Variants in GJB1 observed in about 807,000 individuals in gnomAD.
GJB1 encodes the protein gap junction beta-1 protein.
Under a neutral mutation model 12.0 loss-of-function variants are expected in GJB1, and 1 was observed. The ratio of observed to expected loss-of-function variants is 0.08; its 90% CI spans 0.03 to 0.40. GJB1 has a LOEUF of 0.40. GJB1 is among the 10% of genes least tolerant of loss of function. The pLI is 0.98. For synonymous variants in GJB1, 114 were observed against 102.8 expected (o/e 1.11, Z -0.66); for missense variants, 140 against 250.3 (o/e 0.56, Z 2.97).
chrX:71,223,663 C>T, intron 1 of GJB1, 29 bp from the exon 2 acceptor site: 1 of 1,205,393 alleles, frequency 8.3e-7, no homozygotes, highest in African/African-American at 1.7e-5. Flanking sequence ...AGCTTTCTGA[C>T]AGCTTGCTTC....
chrX:71,220,889 CCTTTTTTTTTTTTT>C (rs1416418633), upstream of GJB1, among the ~76,000 whole-genome samples: 1 of 52,746 alleles, frequency 1.9e-5, no homozygotes, highest in African/African-American at 1.0e-4. Context: ...TTGTTTCTTT[CCTTTTTTTTTTTTT>C]TTTTTTTTTT....
upstream of GJB1, among the ~76,000 whole-genome samples, chrX:71,219,725 G>A (rs1355844262): frequency 7.9e-5 from 6 of 75,740 alleles, no homozygotes; most frequent in Non-Finnish European, 1.4e-4. Flanking sequence ...AGTGAGCTGA[G>A]ATCGCGCCAC....
upstream of GJB1, among the ~76,000 whole-genome samples, chrX:71,221,737 T>C (rs145147602): frequency 7.0e-3 from 782 of 111,122 alleles, 8 homozygotes; most frequent in African/African-American, 0.025. Flanking sequence ...GAGAATTTCC[T>C]CCCTAGAGCA....
At position 71,223,670 on chromosome X, in the gene GJB1, C is replaced by T. The variant is rs369984814; in HGVS notation, c.-16-22C>T. 3.3e-6 allele frequency: 4 copies of T among 1,205,499 alleles called. No individual in the cohort carries two copies. In the African/African-American group the frequency reaches 7.0e-5, roughly 21 times the overall value. ...TCCACCCCAGCTTTCTGACAGCTTGCTTCATGGCTGGTGTTTTGCAGGTGT... is the reference window on the plus strand; with the variant it reads ...TCCACCCCAGCTTTCTGACAGCTTGTTTCATGGCTGGTGTTTTGCAGGTGT... On this transcript the variant is annotated intron_variant, in intron 1 of 1. Transcript: ENST00000361726.
chrX:71,219,556 G>C (rs2092532298), upstream of GJB1, among the ~76,000 whole-genome samples: 1 of 107,151 alleles, frequency 9.3e-6, no homozygotes, highest in Non-Finnish European at 1.9e-5. Context: ...TGGATCACGA[G>C]GTCAGGAGAT....
chrX:71,224,683 T>C lies in GJB1; in HGVS notation c.*124T>C. Reference sequence around the variant, plus strand: ...TTACTCGATCAAAACCTTCCTTCCCTGGCTACTTCCCTTCCTCCCGGGGCC... The same window carrying C: ...TTACTCGATCAAAACCTTCCTTCCCCGGCTACTTCCCTTCCTCCCGGGGCC... On this transcript the variant is annotated 3_prime_UTR_variant, in exon 2 of 2. Transcript: ENST00000361726. 2 of 648,900 alleles carry C rather than the reference T, an allele frequency of 3.1e-6. No individual in the cohort carries two copies. The highest frequency in any genetic ancestry group is 2.4e-6 in the Non-Finnish European group (1 of 408,561). 53.5% of individuals were successfully genotyped at this position (648,900 alleles called of 1,213,427 possible). A position where few individuals can be genotyped will look rare whatever the true frequency, so the allele number is the denominator to read the frequency against.
chrX:71,216,438 T>C (rs113669501), intron 1 of GJB1, among the ~76,000 whole-genome samples: 2,729 of 110,376 alleles, frequency 0.025, 36 homozygotes, highest in East Asian at 0.091. Context: ...CAGCTTCTGT[T>C]AGCCTTCATT....
chrX:71,220,890 C>CTTTTTTT (rs869189116), upstream of GJB1, among the ~76,000 whole-genome samples: 19 of 34,495 alleles, frequency 5.5e-4, no homozygotes, highest in African/African-American at 8.1e-4. Flanking sequence ...TGTTTCTTTC[C>CTTTTTTT]TTTTTTTTTT....
chrX:71,217,104 ATGTGTGTG>A (rs34246909), intron 1 of GJB1, among the ~76,000 whole-genome samples: 64 of 93,571 alleles, frequency 6.8e-4, no homozygotes, highest in South Asian at 6.8e-3. Flanking sequence ...GACTAGACGA[ATGTGTGTG>A]TGTGTGTGTG....
chrX:71,218,609 C>A (rs2092530090), upstream of GJB1, among the ~76,000 whole-genome samples: 1 of 107,844 alleles, frequency 9.3e-6, no homozygotes, highest in Non-Finnish European at 1.9e-5. Context: ...TGTGGCCAGG[C>A]ACGGTGGCTC....
At chrX:71,218,741 G>A (rs921405475), upstream of GJB1, among the ~76,000 whole-genome samples, 4 of 108,206 alleles carry the variant, frequency 3.7e-5, no homozygotes, top group African/African-American at 6.8e-5. Context: ...AAAATTAGCC[G>A]GGCGTGGTTG....
chrX:71,222,220 C>G (rs369784513), upstream of GJB1, among the ~76,000 whole-genome samples: 11 of 110,349 alleles, frequency 1.0e-4, no homozygotes, highest in East Asian at 2.0e-3. Flanking sequence ...TTTATTCCCC[C>G]AAAGCAACTT....
Position 71,224,529 on chromosome X carries a change from T to C in GJB1, c.822T>C (p.Ala274=). Residue 274 remains alanine, a synonymous_variant, in exon 2 of 2, where the codon GCT becomes GCC. Coordinates refer to ENST00000361726, the MANE Select transcript of GJB1 (RefSeq NM_000166.6). ...GCCCTGGCACCGGGGCTGGGCTGGC[T>C]GAAAAGAGCGACCGCTGCTCGGCCT... ...RRSPGTGAGL[A]EKSDRCSAC 1 of 1,193,015 alleles carries C rather than the reference T, an allele frequency of 8.4e-7. No individual in the cohort carries two copies. Among genetic ancestry groups the C allele is most frequent in the East Asian group, 3.0e-5 (1 of 32,805 alleles).
intron 1 of GJB1, among the ~76,000 whole-genome samples, chrX:71,217,139 T>TGTGTGC (rs1491575067): frequency 2.8e-5 from 3 of 106,649 alleles, no homozygotes; most frequent in Non-Finnish European, 3.9e-5. Context: ...TGTGTGTGTG[T>TGTGTGC]GCGTGTGCCA....
chrX:71,224,700 C>T lies in GJB1; in HGVS notation c.*141C>T, dbSNP rs2092547492. The T allele has an allele frequency of 1.7e-6, 1 of 586,924 alleles. No homozygotes were observed. Among genetic ancestry groups the T allele is most frequent in the Non-Finnish European group, 2.8e-6 (1 of 355,390 alleles). 48.4% of individuals were successfully genotyped at this position (586,924 alleles called of 1,213,427 possible). ...TCCTTCCCTGGCTACTTCCCTTCCT[C>T]CCGGGGCCTTCCTTTTGAGGAGCTG... On this transcript the variant is annotated 3_prime_UTR_variant, in exon 2 of 2. Transcript: ENST00000361726.
upstream of GJB1, among the ~76,000 whole-genome samples, chrX:71,220,929 G>A (rs1478156132): frequency 2.9e-5 from 2 of 68,164 alleles, no homozygotes; most frequent in Non-Finnish European, 4.9e-5. Flanking sequence ...ACAGAGTCTC[G>A]CTCTGTCACC....
At chrX:71,220,283 G>T (rs1305758179), upstream of GJB1, among the ~76,000 whole-genome samples, 1 of 104,860 alleles carries the variant, frequency 9.5e-6, no homozygotes, top group Non-Finnish European at 1.9e-5. Flanking sequence ...ACCTGCCTCT[G>T]CCTCCCAAAG....
chrX:71,219,420 C>T (rs1290482178), upstream of GJB1, among the ~76,000 whole-genome samples: 2 of 109,021 alleles, frequency 1.8e-5, no homozygotes, highest in Non-Finnish European at 3.8e-5. Flanking sequence ...ACTCCTACCT[C>T]TGCCTCCTTT....
Position 71,224,279 on chromosome X carries a change from C to T in GJB1, c.572C>T (p.Thr191Ile). Residue 191 changes from threonine (T) to isoleucine (I), a missense_variant, in exon 2 of 2, where the codon ACC becomes ATC. Around this residue, in one of 4 missense-constraint regions of GJB1, gnomAD observed 49 missense variants for 104.5 expected, o/e 0.47. Transcript: ENST00000361726. ...CGCCCCACCGAGAAAACCGTCTTCA[C>T]CGTCTTCATGCTAGCTGCCTCTGGC... ...VSRPTEKTVFTVFMLAASGIC... is the reference protein window; with the variant it reads ...VSRPTEKTVFIVFMLAASGIC... 8.3e-7 allele frequency: 1 copy of T among 1,208,640 alleles called. No homozygotes were observed. The highest frequency in any genetic ancestry group is 1.1e-6 in the Non-Finnish European group (1 of 895,263).
Sources: allele counts gnomAD v4.1 joint callset (sites outside exome capture counted in the v4.1 genomes callset), GRCh38; gene constraint gnomAD v4.1.1; regional missense constraint gnomAD v4.1.1; transcripts MANE v1.5; gene names NCBI Gene and HGNC (gene_info 2026-07-23, HGNC 2026-07-21).